MYO3B: variants seen among roughly 807,000 people sequenced by gnomAD.
The protein encoded by MYO3B is myosin IIIB.
A neutral mutation model predicts 174.6 loss-of-function variants in MYO3B; 156 were observed. The observed-to-expected ratio is 0.89, with a 90% CI of 0.78 to 1.02. MYO3B has a LOEUF of 1.02. MYO3B is among the 50% of genes least tolerant of loss of function. The pLI is 0.00. For synonymous variants in MYO3B, 563 were observed against 569.1 expected (o/e 0.99, Z 0.15); for missense variants, 1,632 against 1,639.4 (o/e 1.00, Z 0.08).
At chr2:170,567,745 C>T (rs1692159402) in intron 32 of MYO3B, among the ~76,000 whole-genome samples, 1 of 152,082 alleles carries the variant, frequency 6.6e-6, no homozygotes, top group Non-Finnish European at 1.5e-5. Flanking sequence ...TGAGAAAAGC[C>T]GACATGACTC....
intron 32 of MYO3B, among the ~76,000 whole-genome samples, chr2:170,559,095 T>C (rs918719906): frequency 6.6e-6 from 1 of 152,212 alleles, no homozygotes; most frequent in African/African-American, 2.4e-5. Context: ...GTAGAAGCTT[T>C]CAAGGTCTTT....
chr2:170,472,822 C>G (rs1255723431), intron 25 of MYO3B, among the ~76,000 whole-genome samples: 2 of 151,964 alleles, frequency 1.3e-5, no homozygotes, highest in Non-Finnish European at 1.5e-5. Flanking sequence ...CCACCTTAGC[C>G]TCCCAAGTAG....
chr2:170,403,373 C>T (rs1332631117), intron 19 of MYO3B, among the ~76,000 whole-genome samples: 1 of 152,188 alleles, frequency 6.6e-6, no homozygotes, highest in African/African-American at 2.4e-5. Context: ...CTAGCCCTCC[C>T]TATCCCCTAT....
At chr2:170,278,772 C>T (rs1314683417) in intron 7 of MYO3B, among the ~76,000 whole-genome samples, 1 of 152,082 alleles carries the variant, frequency 6.6e-6, no homozygotes, top group Non-Finnish European at 1.5e-5. Flanking sequence ...TAACCCCCGC[C>T]ACATATACCC....
rs56861648 is a variant in MYO3B, at chr2:170,563,031, T to TACACACACACACAC, written c.3733+19062_3733+19075dup. 3.0e-3 allele frequency among the ~76,000 whole-genome samples: 419 copies of TACACACACACACAC among 138,644 alleles called. 4 individuals carry two copies. The highest frequency in any genetic ancestry group is 8.4e-3 in the African/African-American group (306 of 36,358). The allele number at this position is 138,644 out of a possible 152,430, so 91.0% of individuals were successfully genotyped here. On this transcript the variant is annotated intron_variant, in intron 32 of 34. Coordinates refer to ENST00000408978, the MANE Select transcript of MYO3B (RefSeq NM_138995.5). ...ACACTACAAAGTTGTAAAACATGCA[T>TACACACACACACAC]ACACACACACACACACACACACACA...
rs76349910 is a variant in MYO3B at position 170,208,240 on chromosome 2, G to A, written c.322-6139G>A. On this transcript the variant is annotated intron_variant, in intron 3 of 34. Coordinates refer to ENST00000408978, the MANE Select transcript of MYO3B (RefSeq NM_138995.5). ...TGAGTTTGGGACAAAAATGTGCCTCGGAGAAGGGGTGTTGCATGGACTCCT... is the reference window on the plus strand; with the variant it reads ...TGAGTTTGGGACAAAAATGTGCCTCAGAGAAGGGGTGTTGCATGGACTCCT... Among the ~76,000 whole-genome samples the A allele has an allele frequency of 2.9e-3, 449 of 152,272 alleles. 22 individuals are homozygous for A. In the East Asian group the frequency reaches 0.076, roughly 26 times the overall value.
chr2:170,540,809 A>G (rs78967512), intron 30 of MYO3B, among the ~76,000 whole-genome samples: 3,875 of 152,322 alleles, frequency 0.025, 73 homozygotes, highest in Non-Finnish European at 0.038. Flanking sequence ...AACATGGTAC[A>G]GAGGAGAAGG....
intron 9 of MYO3B, among the ~76,000 whole-genome samples, chr2:170,380,463 C>A (rs999590225): frequency 6.6e-6 from 1 of 152,148 alleles, no homozygotes; most frequent in African/African-American, 2.4e-5. Flanking sequence ...GATATACTGG[C>A]TGTTAAGGGA....
At chr2:170,247,517 G>A (rs900073912) in intron 7 of MYO3B, among the ~76,000 whole-genome samples, 2 of 152,188 alleles carry the variant, frequency 1.3e-5, no homozygotes, top group Non-Finnish European at 2.9e-5. Context: ...TCCACGCCAA[G>A]CAACTGGCCT....
intron 22 of MYO3B, among the ~76,000 whole-genome samples, chr2:170,439,243 G>A (rs984510920): frequency 1.3e-5 from 2 of 151,472 alleles, no homozygotes; most frequent in African/African-American, 4.9e-5. Context: ...ATGCTGGTGG[G>A]CGCCTGTAGT....
chr2:170,463,273 G>A (rs754919575), intron 23 of MYO3B, 95 bp from the exon 24 acceptor site: 10 of 961,998 alleles, frequency 1.0e-5, no homozygotes, highest in Non-Finnish European at 1.6e-6. Context: ...GGCCCCTCAG[G>A]TATTTGGCCA....
intron 32 of MYO3B, among the ~76,000 whole-genome samples, chr2:170,577,572 T>G (rs746215094): frequency 2.0e-5 from 3 of 152,234 alleles, no homozygotes; most frequent in Non-Finnish European, 2.9e-5. Flanking sequence ...GACTCAGCAA[T>G]TCCGTTGATC....
At chr2:170,407,911 T>G (rs1289695782) in intron 22 of MYO3B, 67 bp downstream of exon 22, 6 of 1,595,776 alleles carry the variant, frequency 3.8e-6, no homozygotes, top group Non-Finnish European at 5.1e-6. Context: ...ATTTTCCAGT[T>G]AGTGTCTGAA....
intron 7 of MYO3B, among the ~76,000 whole-genome samples, chr2:170,287,592 C>T (rs2093565932): frequency 6.6e-6 from 1 of 151,534 alleles, no homozygotes; most frequent in East Asian, 1.9e-4. Flanking sequence ...TGGTTTTTTG[C>T]TATTGATTTG....
chr2:170,387,423 A>G (rs2094384653), intron 14 of MYO3B, 115 bp downstream of exon 14: 1 of 913,272 alleles, frequency 1.1e-6, no homozygotes, highest in East Asian at 2.6e-5. Context: ...ACCCTCCCCA[A>G]GGGCAAAGAA....
intron 32 of MYO3B, among the ~76,000 whole-genome samples, chr2:170,650,182 G>A (rs143732347): frequency 0.11 from 17,257 of 151,370 alleles, 1,111 homozygotes; most frequent in African/African-American, 0.14. Flanking sequence ...ACAGGCGCCC[G>A]CCACCACGCC....
intron 22 of MYO3B, chr2:170,412,432 A>G (rs1022625394): frequency 2.6e-5 from 4 of 152,196 alleles, no homozygotes; most frequent in Non-Finnish European, 4.4e-5. Context: ...CCTAGAACTG[A>G]GTTTTACCCT....
In MYO3B at chr2:170,275,199, C is replaced by T. The variant is rs138117327; in HGVS notation, c.749+39063C>T. On this transcript the variant is annotated intron_variant, in intron 7 of 34. Transcript: ENST00000408978. ...TATACTCTCCTGAGCAGGCATCTCT[C>T]AGACTTAAACATTGCTTCATAGGAT... Among the ~76,000 whole-genome samples the T allele has an allele frequency of 1.8e-4, 28 of 152,318 alleles. No individual in the cohort carries two copies. The East Asian group carries it at 5.4e-3, about 29-fold the overall frequency.
intron 26 of MYO3B, among the ~76,000 whole-genome samples, chr2:170,499,171 C>G (rs2106074648): frequency 6.6e-6 from 1 of 152,290 alleles, no homozygotes; most frequent in East Asian, 1.9e-4. Context: ...ATGGTCCATC[C>G]TGATTGCCTT....
Sources: gnomAD v4.1 joint callset for allele counts (sites outside exome capture counted in the v4.1 genomes callset) on GRCh38, gnomAD v4.1.1 for gene constraint, MANE v1.5 for transcripts, NCBI Gene and HGNC (gene_info 2026-07-23, HGNC 2026-07-21) for gene names.